MARCHF1: variants seen among roughly 807,000 people sequenced by gnomAD.
The protein encoded by MARCHF1 is E3 ubiquitin-protein ligase MARCHF1.
Under a neutral mutation model 54.2 loss-of-function variants are expected in MARCHF1, and 40 were observed. The ratio of observed to expected loss-of-function variants is 0.74; its 90% CI spans 0.57 to 0.96. The LOEUF (loss-of-function observed/expected upper bound fraction) is 0.96, where lower values mean the gene tolerates loss of function less well. MARCHF1 is among the 40% of genes least tolerant of loss of function. MARCHF1 has a pLI of 0.00. For synonymous variants in MARCHF1, 236 were observed against 236.3 expected (o/e 1.00, Z 0.01); for missense variants, 586 against 656.5 (o/e 0.89, Z 1.17).
chr4:163,671,267 T>C (rs1743726931), intron 5 of MARCHF1, among the ~76,000 whole-genome samples: 1 of 152,248 alleles, frequency 6.6e-6, no homozygotes, highest in Non-Finnish European at 1.5e-5. Flanking sequence ...GCCTTTTATT[T>C]TCAGGAAAAT....
chr4:163,778,220 T>C (rs1747359803), intron 4 of MARCHF1, among the ~76,000 whole-genome samples: 1 of 152,228 alleles, frequency 6.6e-6, no homozygotes, highest in South Asian at 2.1e-4. Flanking sequence ...AGAAAGCTGT[T>C]ACAATTGTTT....
chr4:163,848,896 G>A (rs1749566564), intron 4 of MARCHF1, among the ~76,000 whole-genome samples: 1 of 152,100 alleles, frequency 6.6e-6, no homozygotes, highest in Non-Finnish European at 1.5e-5. Flanking sequence ...TTTCAATCAG[G>A]TCAGTTATGG....
At chr4:163,897,659 C>T (rs1033045218) in intron 3 of MARCHF1, among the ~76,000 whole-genome samples, 1 of 152,072 alleles carries the variant, frequency 6.6e-6, no homozygotes, top group African/African-American at 2.4e-5. Context: ...GGAAAAGTGG[C>T]TAACCATATG....
intron 1 of MARCHF1, among the ~76,000 whole-genome samples, chr4:164,192,321 A>G (rs569601734): frequency 6.6e-6 from 1 of 151,468 alleles, no homozygotes; most frequent in African/African-American, 2.4e-5. Flanking sequence ...AGGATTTACT[A>G]TTTACTTATA....
chr4:164,011,452 C>G (rs1322317106), intron 2 of MARCHF1, among the ~76,000 whole-genome samples: 3 of 152,076 alleles, frequency 2.0e-5, no homozygotes, highest in Non-Finnish European at 2.9e-5. Context: ...AAAAACTGGG[C>G]AAAAGATCTG....
intron 1 of MARCHF1, among the ~76,000 whole-genome samples, chr4:164,292,028 AAT>A (rs775746577): frequency 2.0e-5 from 3 of 152,154 alleles, no homozygotes; most frequent in Admixed American, 1.3e-4. Flanking sequence ...GTTGTCAACC[AAT>A]AGAGATTTTT....
At chr4:163,785,939 G>A (rs1005829186) in intron 4 of MARCHF1, among the ~76,000 whole-genome samples, 3 of 151,964 alleles carry the variant, frequency 2.0e-5, no homozygotes, top group East Asian at 1.9e-4. Context: ...GGAGGGACAC[G>A]GTCAGGGAAG....
intron 1 of MARCHF1, among the ~76,000 whole-genome samples, chr4:164,295,142 G>A (rs1734378581): frequency 6.6e-6 from 1 of 152,120 alleles, no homozygotes; most frequent in African/African-American, 2.4e-5. Flanking sequence ...AGACGCAATT[G>A]TAGAAAAATA....
chr4:164,162,792 G>A (rs1004480084), intron 1 of MARCHF1, among the ~76,000 whole-genome samples: 4 of 152,018 alleles, frequency 2.6e-5, no homozygotes, highest in African/African-American at 9.7e-5. Context: ...GAAATTCAAA[G>A]CAGGCTAAAT....
chr4:163,863,938 A>G (rs930372579), intron 3 of MARCHF1, among the ~76,000 whole-genome samples: 3 of 152,082 alleles, frequency 2.0e-5, no homozygotes, highest in Admixed American at 6.6e-5. Context: ...ACCAAAGCTG[A>G]CACAATTTGA....
chr4:164,099,004 A>C (rs1278617077), intron 2 of MARCHF1, among the ~76,000 whole-genome samples: 1 of 152,208 alleles, frequency 6.6e-6, no homozygotes. Flanking sequence ...ATTATTTCAC[A>C]TATAGTTAAT....
chr4:163,830,945 T>C (rs1405133139), intron 4 of MARCHF1, among the ~76,000 whole-genome samples: 1 of 152,214 alleles, frequency 6.6e-6, no homozygotes, highest in Non-Finnish European at 1.5e-5. Context: ...AAGCATGTTA[T>C]CCAGTCTTTT....
intron 3 of MARCHF1, among the ~76,000 whole-genome samples, chr4:163,945,662 A>G (rs1166584783): frequency 6.6e-6 from 1 of 152,200 alleles, no homozygotes; most frequent in Non-Finnish European, 1.5e-5. Context: ...TTAATTGAAA[A>G]TTGCATTTCC....
chr4:163,964,908 G>A (rs7674531), intron 3 of MARCHF1, among the ~76,000 whole-genome samples: 140,792 of 151,978 alleles, frequency 0.93, 65,854 homozygotes, highest in Non-Finnish European at 1. Context: ...AGCAGTGCCC[G>A]ACACCGTGAC....
intron 1 of MARCHF1, among the ~76,000 whole-genome samples, chr4:164,119,161 T>A (rs941757881): frequency 7.3e-5 from 11 of 151,698 alleles, no homozygotes; most frequent in Non-Finnish European, 2.9e-5. Flanking sequence ...TGAAACACAG[T>A]ATTCCCCAGT....
intron 3 of MARCHF1, among the ~76,000 whole-genome samples, chr4:163,873,026 A>G (rs997071589): frequency 1.3e-5 from 2 of 151,794 alleles, no homozygotes; most frequent in African/African-American, 4.9e-5. Context: ...CCTGGGCGAC[A>G]GAGCGAGACT....
At chr4:164,059,844 T>C (rs1362355292) in intron 2 of MARCHF1, among the ~76,000 whole-genome samples, 3 of 152,166 alleles carry the variant, frequency 2.0e-5, no homozygotes, top group African/African-American at 4.8e-5. Flanking sequence ...TTAGATTTCA[T>C]CTTAATATGT....
chr4:163,962,283 A>C (rs1212962722), intron 3 of MARCHF1, among the ~76,000 whole-genome samples: 7 of 151,896 alleles, frequency 4.6e-5, no homozygotes, highest in African/African-American at 1.7e-4. Context: ...TTGGGACCAG[A>C]AACAAATATT....
chr4:163,910,741 C>T (rs1201283234), intron 3 of MARCHF1, among the ~76,000 whole-genome samples: 4 of 152,190 alleles, frequency 2.6e-5, no homozygotes, highest in African/African-American at 4.8e-5. Context: ...AGGTGATCCA[C>T]GCACCTTGAC....
Sources: allele counts gnomAD v4.1 joint callset (sites outside exome capture counted in the v4.1 genomes callset), GRCh38; gene constraint gnomAD v4.1.1; transcripts MANE v1.5; gene names NCBI Gene and HGNC (gene_info 2026-07-23, HGNC 2026-07-21).